AGBL1: variants seen among roughly 807,000 people sequenced by gnomAD.
AGBL1 encodes the protein AGBL carboxypeptidase 1, also known as cytosolic carboxypeptidase 4.
Under a neutral mutation model 118.9 loss-of-function variants are expected in AGBL1, and 130 were observed. The observed-to-expected ratio is 1.09, with a 90% confidence interval of 0.95 to 1.26. The LOEUF (loss-of-function observed/expected upper bound fraction) is 1.26, where lower values mean the gene tolerates loss of function less well. AGBL1 is among the 50% of genes most tolerant of loss of function. The pLI is 0.00. For missense variants in AGBL1, 1,584 were observed against 1,298.1 expected (o/e 1.22, Z -3.38); for synonymous variants, 555 against 478.9 (o/e 1.16, Z -2.08).
intron 22 of AGBL1, among the ~76,000 whole-genome samples, chr15:86,762,294 C>T (rs1361142488): frequency 6.6e-6 from 1 of 151,918 alleles, no homozygotes; most frequent in African/African-American, 2.4e-5. Flanking sequence ...GACAGGTTGA[C>T]AGGTGCAGTA....
At chr15:86,566,602 A>T (rs1166316104) in intron 21 of AGBL1, among the ~76,000 whole-genome samples, 2 of 151,942 alleles carry the variant, frequency 1.3e-5, no homozygotes, top group African/African-American at 2.4e-5. Context: ...TCCTTGTCTC[A>T]TCAGAGAACC....
At chr15:86,632,630 GT>G (rs61180689) in intron 21 of AGBL1, among the ~76,000 whole-genome samples, 2,673 of 143,508 alleles carry the variant, frequency 0.019, 39 homozygotes, top group African/African-American at 0.046. Context: ...ATCTCATCAT[GT>G]TTTTTTTTTT....
chr15:86,295,197 A>G, intron 16 of AGBL1, 58 bp from the exon 17 acceptor site: 2 of 1,567,850 alleles, frequency 1.3e-6, no homozygotes, highest in South Asian at 2.3e-5. Flanking sequence ...GTTGTTTTCT[A>G]TTATTGTTGT....
chr15:86,274,521 G>T (rs1043603363), intron 15 of AGBL1, among the ~76,000 whole-genome samples: 1 of 152,148 alleles, frequency 6.6e-6, no homozygotes, highest in African/African-American at 2.4e-5. Context: ...ATGAAAGTAA[G>T]CTTCTGTAAA....
chr15:86,788,037 T>C (rs1158547863), intron 22 of AGBL1, among the ~76,000 whole-genome samples: 6 of 152,088 alleles, frequency 3.9e-5, no homozygotes, highest in African/African-American at 1.4e-4. Flanking sequence ...AACAAAGAAA[T>C]GTACATCAAC....
chr15:86,496,855 A>G (rs74025151), intron 18 of AGBL1, among the ~76,000 whole-genome samples: 2,657 of 152,158 alleles, frequency 0.017, 65 homozygotes, highest in African/African-American at 0.06. Context: ...ATAGAGCATT[A>G]ATGCATTTTA....
intron 18 of AGBL1, among the ~76,000 whole-genome samples, chr15:86,429,936 G>A (rs1341242501): frequency 1.3e-5 from 2 of 152,172 alleles, no homozygotes; most frequent in Admixed American, 1.3e-4. Flanking sequence ...AGCCTGCAGT[G>A]ATGAAGCTTG....
At chr15:86,282,360 T>G (rs1453246433) in intron 16 of AGBL1, among the ~76,000 whole-genome samples, 1 of 152,236 alleles carries the variant, frequency 6.6e-6, no homozygotes, top group Admixed American at 6.5e-5. Flanking sequence ...CTGTTACTAT[T>G]AATTACAATA....
rs756597055 is a variant in AGBL1 at position 86,142,076 on chromosome 15, G to A, written c.115+9G>A. On this transcript the variant is annotated intron_variant, in intron 2 of 22. Coordinates refer to ENST00000614907, the MANE Select transcript of AGBL1 (RefSeq NM_001386094.1). Reference sequence around the variant, plus strand: ...AGATCTGCTTTCTGTTGGTGAGTAGGCCATGCTCTCATGCTTTCATATGGC... The same window carrying A: ...AGATCTGCTTTCTGTTGGTGAGTAGACCATGCTCTCATGCTTTCATATGGC... 5 of 1,549,646 alleles carry A rather than the reference G, an allele frequency of 3.2e-6. No homozygotes were observed. In the East Asian group the frequency reaches 7.3e-5, roughly 23 times the overall value.
chr15:86,111,458 T>C (rs1032981219), intron 1 of AGBL1, among the ~76,000 whole-genome samples: 1 of 152,072 alleles, frequency 6.6e-6, no homozygotes, highest in Admixed American at 6.6e-5. Context: ...GGTGTCAAGG[T>C]AGAGATGGGG....
chr15:86,700,188 T>C (rs2086332122), intron 22 of AGBL1, among the ~76,000 whole-genome samples: 1 of 152,096 alleles, frequency 6.6e-6, no homozygotes, highest in Admixed American at 6.6e-5. Flanking sequence ...CAGTGACTTA[T>C]ACTTCATTAT....
chr15:86,210,251 T>C (rs967008666), intron 5 of AGBL1, among the ~76,000 whole-genome samples: 34 of 152,174 alleles, frequency 2.2e-4, no homozygotes, highest in African/African-American at 7.0e-4. Flanking sequence ...CTTAACATTT[T>C]TTCCTTCATT....
At chr15:86,974,529 TA>T (rs2081151557) in intron 23 of AGBL1, among the ~76,000 whole-genome samples, 1 of 136,276 alleles carries the variant, frequency 7.3e-6, no homozygotes, top group Non-Finnish European at 1.5e-5. Context: ...TAATATATAT[TA>T]AATATATAAA....
chr15:86,391,484 T>C (rs1792737358), intron 17 of AGBL1, among the ~76,000 whole-genome samples: 1 of 151,876 alleles, frequency 6.6e-6, no homozygotes, highest in Admixed American at 6.6e-5. Flanking sequence ...GTGTACACTC[T>C]CTTCTAGGAT....
chr15:86,096,941 T>C (rs1195190351), intron 1 of AGBL1, among the ~76,000 whole-genome samples: 2 of 152,142 alleles, frequency 1.3e-5, no homozygotes, highest in East Asian at 3.8e-4. Flanking sequence ...AGCCCACTTA[T>C]CTTGGGACAT....
At chr15:86,900,434 C>A (rs1463023678) in intron 22 of AGBL1, among the ~76,000 whole-genome samples, 2 of 152,106 alleles carry the variant, frequency 1.3e-5, no homozygotes, top group African/African-American at 4.8e-5. Flanking sequence ...TCAGAAAACT[C>A]CTCAGCCTGC....
At chr15:86,137,879 A>T (rs1034282619) in intron 1 of AGBL1, among the ~76,000 whole-genome samples, 5 of 152,206 alleles carry the variant, frequency 3.3e-5, no homozygotes, top group Non-Finnish European at 7.3e-5. Flanking sequence ...TGTTGGCCAC[A>T]GGTCAAACCA....
At chr15:86,966,918 T>G (rs1232143177) in intron 23 of AGBL1, among the ~76,000 whole-genome samples, 1 of 152,146 alleles carries the variant, frequency 6.6e-6, no homozygotes, top group Non-Finnish European at 1.5e-5. Context: ...TCCACAATGG[T>G]TGAACTAGTT....
At chr15:86,451,099 A>G (rs1221188485) in intron 18 of AGBL1, among the ~76,000 whole-genome samples, 2 of 152,244 alleles carry the variant, frequency 1.3e-5, no homozygotes, top group Non-Finnish European at 1.5e-5. Flanking sequence ...CTTTCTAAAT[A>G]TACAGACTCA....
Sources: allele counts gnomAD v4.1 joint callset (sites outside exome capture counted in the v4.1 genomes callset), GRCh38; gene constraint gnomAD v4.1.1; transcripts MANE v1.5; gene names NCBI Gene and HGNC (gene_info 2026-07-23, HGNC 2026-07-21).